FRS2: variants seen among roughly 807,000 people sequenced by gnomAD.
FRS2 encodes the protein FGFR signalling adaptor.
Under a neutral mutation model 43.9 loss-of-function variants are expected in FRS2, and 8 were observed. The observed-to-expected ratio is 0.18, with a 90% CI of 0.11 to 0.33. The LOEUF is 0.33. Among genes scored for constraint, FRS2 ranks in the 10% least tolerant of loss-of-function variants. The pLI is 1.00. For synonymous variants in FRS2, 219 were observed against 220.3 expected (o/e 0.99, Z 0.05); for missense variants, 534 against 627.6 (o/e 0.85, Z 1.59).
chr12:69,483,829 TTTAATCTTGAAATGTGGTTAAATTGC>T lies in FRS2; in HGVS notation c.-261+13302_-261+13327del, dbSNP rs545679166. On this transcript the variant is annotated intron_variant, in intron 1 of 8. Coordinates refer to ENST00000549921, the MANE Select transcript of FRS2 (RefSeq NM_001278356.2). Reference sequence around the variant, plus strand: ...TTTGAGTCAAAGGATATGAGAGTTTTTTAATCTTGAAATGTGGTTAAATTGCTTCTCAAAAGGATAGTATTACTAGT... The same window carrying T: ...TTTGAGTCAAAGGATATGAGAGTTTTTTCTCAAAAGGATAGTATTACTAGT... Among the ~76,000 whole-genome samples, 1,399 of 152,312 alleles carry T rather than the reference TTTAATCTTGAAATGTGGTTAAATTGC, an allele frequency of 9.2e-3. 22 individuals are homozygous for T. Among genetic ancestry groups the T allele is most frequent in the African/African-American group, 0.031 (1,288 of 41,568 alleles).
chr12:69,481,238 C>T (rs916090), intron 1 of FRS2, among the ~76,000 whole-genome samples: 77,588 of 151,250 alleles, frequency 0.51, 23,034 homozygotes, highest in African/African-American at 0.82. Context: ...AGAGTATTCT[C>T]TTAAGATAAT....
intron 1 of FRS2, among the ~76,000 whole-genome samples, chr12:69,493,184 A>G (rs1872610870): frequency 6.6e-6 from 1 of 152,206 alleles, no homozygotes; most frequent in South Asian, 2.1e-4. Context: ...TTTAAAAATA[A>G]TTGTTACATT....
chr12:69,481,605 T>TA (rs751721673), intron 1 of FRS2, among the ~76,000 whole-genome samples: 1 of 152,188 alleles, frequency 6.6e-6, no homozygotes, highest in Admixed American at 6.5e-5. Context: ...TTAACGTTGA[T>TA]ACGGTACTTT....
At chr12:69,539,685 T>C (rs1482521875) in intron 3 of FRS2, among the ~76,000 whole-genome samples, 2 of 151,970 alleles carry the variant, frequency 1.3e-5, no homozygotes, top group Non-Finnish European at 2.9e-5. Context: ...AATCTAGGAC[T>C]AGGGCAAGAA....
intron 1 of FRS2, among the ~76,000 whole-genome samples, chr12:69,494,010 T>C (rs949788698): frequency 2.0e-5 from 3 of 152,238 alleles, no homozygotes; most frequent in African/African-American, 4.8e-5. Context: ...GTGTTAAATC[T>C]ATCTGTATGT....
intron 3 of FRS2, among the ~76,000 whole-genome samples, chr12:69,539,459 A>C (rs1877663598): frequency 6.6e-6 from 1 of 152,138 alleles, no homozygotes; most frequent in African/African-American, 2.4e-5. Context: ...CTAAACACAA[A>C]ATTTATGTTT....
At chr12:69,498,375 G>A (rs1232238074) in intron 1 of FRS2, among the ~76,000 whole-genome samples, 1 of 152,146 alleles carries the variant, frequency 6.6e-6, no homozygotes, top group Non-Finnish European at 1.5e-5. Flanking sequence ...TACAAGTTTT[G>A]AGATGAGTTG....
At position 69,574,819 on chromosome 12, in the gene FRS2, C is replaced by T. The variant is rs1191186994; in HGVS notation, c.1391C>T (p.Pro464Leu). The change falls in exon 9 of 9, where the codon CCT becomes CTT. Residue 464 changes from proline (P) to leucine (L), a missense_variant. This residue lies in a region of FRS2 where 446 missense variants were observed against 494.2 expected (regional missense o/e 0.90). Coordinates refer to ENST00000549921, the MANE Select transcript of FRS2 (RefSeq NM_001278356.2). ...KTPTTPLPQT[P>L]TRRTELYAVI... is the part of the protein sequence containing the mutation. ...CCTACAACTCCCCTTCCACAAACCC[C>T]TACCAGGCGCACAGAGCTGTATGCC... 5 of 1,613,988 alleles carry T rather than the reference C, an allele frequency of 3.1e-6. No homozygotes were observed. The highest frequency in any genetic ancestry group is 2.2e-5 in the South Asian group (2 of 91,086).
At chr12:69,524,107 T>C (rs969930304) in intron 1 of FRS2, among the ~76,000 whole-genome samples, 15 of 152,102 alleles carry the variant, frequency 9.9e-5, no homozygotes, top group African/African-American at 3.6e-4. Flanking sequence ...AGGAATAGAA[T>C]TGGGCACTCA....
At chr12:69,550,068 T>C (rs2069385814) in intron 3 of FRS2, among the ~76,000 whole-genome samples, 1 of 152,248 alleles carries the variant, frequency 6.6e-6, no homozygotes, top group African/African-American at 2.4e-5. Flanking sequence ...TATTTCTATT[T>C]GTTGAGCATC....
At chr12:69,567,968 T>G (rs1713531584) in intron 4 of FRS2, among the ~76,000 whole-genome samples, 1 of 152,234 alleles carries the variant, frequency 6.6e-6, no homozygotes, top group African/African-American at 2.4e-5. Context: ...TTCAACAAGC[T>G]TCAATCAAAT....
chr12:69,470,680 G>C, intron 1 of FRS2, 150 bp downstream of exon 1: 1 of 391,160 alleles, frequency 2.6e-6, no homozygotes, highest in Non-Finnish European at 4.5e-6. Flanking sequence ...GGACTTCTCC[G>C]GGCCAGCGGG....
rs572310765 is a variant in FRS2 at position 69,576,796 on chromosome 12, C to T, written c.*1841C>T. 147 of 152,630 alleles carry T rather than the reference C, an allele frequency of 9.6e-4. No individual in the cohort carries two copies. The Middle Eastern group carries it at 0.024, about 25-fold the overall frequency. The allele number at this position is 152,630 out of a possible 1,614,324, so 9.5% of individuals were successfully genotyped here. ...TATGTGCATAGCAGAATTTTCTTTTCTCCCTTTTGTTCCCCTGTGAACTTG... is the reference window on the plus strand; with the variant it reads ...TATGTGCATAGCAGAATTTTCTTTTTTCCCTTTTGTTCCCCTGTGAACTTG... On this transcript the variant is annotated 3_prime_UTR_variant, in exon 9 of 9. Coordinates refer to ENST00000549921, the MANE Select transcript of FRS2 (RefSeq NM_001278356.2).
intron 1 of FRS2, among the ~76,000 whole-genome samples, chr12:69,470,796 G>A (rs1321121787): frequency 4.0e-5 from 6 of 151,732 alleles, no homozygotes; most frequent in Non-Finnish European, 5.9e-5. Flanking sequence ...GATGGGCTGG[G>A]CCTCTGTTCG....
intron 3 of FRS2, among the ~76,000 whole-genome samples, chr12:69,543,226 A>T (rs992755363): frequency 6.6e-6 from 1 of 152,224 alleles, no homozygotes; most frequent in African/African-American, 2.4e-5. Flanking sequence ...CTCAATAAGT[A>T]ACTATTAAGT....
intron 1 of FRS2, among the ~76,000 whole-genome samples, chr12:69,508,078 G>A (rs1329374876): frequency 1.4e-5 from 2 of 144,684 alleles, no homozygotes; most frequent in South Asian, 2.2e-4. Flanking sequence ...TGCAGTTCTT[G>A]CAGATAAGAT....
At chr12:69,547,830 CT>C (rs71094722) in intron 3 of FRS2, among the ~76,000 whole-genome samples, 1,350 of 102,058 alleles carry the variant, frequency 0.013, 5 homozygotes, top group African/African-American at 0.047. Context: ...TCCATTAATA[CT>C]TTTTTTTTTT....
chr12:69,528,087 T>G (rs1347334532), intron 1 of FRS2, among the ~76,000 whole-genome samples: 1 of 152,232 alleles, frequency 6.6e-6, no homozygotes, highest in African/African-American at 2.4e-5. Context: ...GTTTTGGTTT[T>G]CAGGGACTGT....
chr12:69,522,399 C>T (rs769492707), intron 1 of FRS2, among the ~76,000 whole-genome samples: 17 of 151,858 alleles, frequency 1.1e-4, no homozygotes, highest in Non-Finnish European at 1.8e-4. Flanking sequence ...TAGAGGTGTT[C>T]GTAGTAGTCT....
Sources: gnomAD v4.1 joint callset for allele counts (sites outside exome capture counted in the v4.1 genomes callset) on GRCh38, gnomAD v4.1.1 for gene constraint, gnomAD v4.1.1 regional missense constraint, MANE v1.5 for transcripts, NCBI Gene and HGNC (gene_info 2026-07-23, HGNC 2026-07-21) for gene names.